Variants in DMD observed in about 807,000 individuals in gnomAD.
DMD encodes dystrophin.
A neutral mutation model predicts 330.1 loss-of-function variants in DMD; 63 were observed. The ratio of observed to expected loss-of-function variants is 0.19; its 90% CI spans 0.16 to 0.24. DMD has a LOEUF of 0.24. Among genes scored for constraint, DMD ranks in the 10% least tolerant of loss-of-function variants. DMD has a pLI of 1.00. For synonymous variants in DMD, 1,223 were observed against 959.8 expected (o/e 1.27, Z -5.07); for missense variants, 3,344 against 2,684.1 (o/e 1.25, Z -5.43).
intron 7 of DMD, among the ~76,000 whole-genome samples, chrX:32,721,057 G>T (rs755862516): frequency 3.8e-4 from 41 of 108,767 alleles, no homozygotes; most frequent in Non-Finnish European, 7.2e-4. Context: ...CTTTTGTGAG[G>T]CTGAATATTT....
intron 44 of DMD, among the ~76,000 whole-genome samples, chrX:32,027,553 A>G (rs1383365780): frequency 1.8e-5 from 2 of 111,697 alleles, no homozygotes; most frequent in Non-Finnish European, 3.8e-5. Flanking sequence ...CACCATAGGA[A>G]CCCTGAACTA....
chrX:32,847,019 T>A (rs1166436627), intron 3 of DMD, among the ~76,000 whole-genome samples: 1 of 110,096 alleles, frequency 9.1e-6, no homozygotes, highest in East Asian at 2.8e-4. Flanking sequence ...AAAAAAAAAA[T>A]ACATGAAAGA....
rs761925260 is a variant in DMD at position 31,261,013 on chromosome X, G to A, written c.9228C>T (p.His3076=). ...SPNKVPYYIN[H]ETQTTCWDHP... is the part of the protein sequence containing the mutation. ...GGTCCCAGCAAGTTGTTTGAGTCTC[G>A]TGGCTAAAACACAAAACATAAAGAA... Residue 3076 remains histidine, a synonymous_variant, in exon 63 of 79, where the codon CAC becomes CAT. Transcript: ENST00000357033. The A allele has an allele frequency of 6.6e-6, 8 of 1,207,609 alleles. No individual in the cohort carries two copies. In the East Asian group the frequency reaches 1.5e-4, roughly 22 times the overall value.
intron 16 of DMD, among the ~76,000 whole-genome samples, chrX:32,559,507 T>G (rs1452968295): frequency 9.0e-6 from 1 of 111,638 alleles, no homozygotes; most frequent in Non-Finnish European, 1.9e-5. Context: ...TAATTAAACT[T>G]ACTGGCCAAA....
In DMD at chrX:32,969,709, G is replaced by A. The variant is rs1465099970; in HGVS notation, c.93+50430C>T. 3.2e-5 allele frequency among the ~76,000 whole-genome samples: 3 copies of A among 94,297 alleles called. 1 individual carries two copies. The highest frequency in any genetic ancestry group is 6.1e-5 in the Non-Finnish European group (3 of 49,344). 81.9% of individuals were successfully genotyped at this position (94,297 alleles called of 115,157 possible). ...TGTACATGTATGTATGCATACATAT[G>A]CACATATATATGTTCTACTTTTGTG... On this transcript the variant is annotated intron_variant, in intron 2 of 78. Coordinates refer to ENST00000357033, the MANE Select transcript of DMD (RefSeq NM_004006.3).
At chrX:31,412,714 T>C (rs1160578669) in intron 60 of DMD, among the ~76,000 whole-genome samples, 1 of 112,238 alleles carries the variant, frequency 8.9e-6, no homozygotes, top group East Asian at 2.8e-4. Flanking sequence ...TCTGGGCTTG[T>C]ACATGAGAGA....
rs149391469 is a variant in DMD at position 32,589,734 on chromosome X, A to T, written c.1602+6023T>A. The stretch of plus-strand genomic sequence containing the variant: ...GAGTTTTCTGACTTAAAACAATAGG[A>T]TGTAACATTTGTATATGATATTCTA... On this transcript the variant is annotated intron_variant, in intron 13 of 78. Coordinates refer to ENST00000357033, the MANE Select transcript of DMD (RefSeq NM_004006.3). Among the ~76,000 whole-genome samples, 473 of 111,444 alleles carry T rather than the reference A, an allele frequency of 4.2e-3. 3 individuals carry two copies. Among genetic ancestry groups the T allele is most frequent in the African/African-American group, 0.015 (458 of 30,712 alleles).
At chrX:32,884,503 A>AT (rs1293951513) in intron 2 of DMD, among the ~76,000 whole-genome samples, 4 of 111,820 alleles carry the variant, frequency 3.6e-5, no homozygotes, top group Non-Finnish European at 5.6e-5. Context: ...ATTTGTCAAT[A>AT]TTTTGAATTT....
intron 2 of DMD, among the ~76,000 whole-genome samples, chrX:32,914,672 C>T (rs1002089442): frequency 1.8e-5 from 2 of 112,238 alleles, no homozygotes; most frequent in Non-Finnish European, 3.8e-5. Flanking sequence ...TGCCCTCTGG[C>T]AGGAAAATGG....
intron 21 of DMD, among the ~76,000 whole-genome samples, chrX:32,480,582 T>TACACAGTATGTGTCTGTGTGTGTACA (rs1569564540): frequency 0.027 from 3,007 of 109,741 alleles, 111 homozygotes; most frequent in African/African-American, 0.095. Context: ...ACGTGAGTAT[T>TACACAGTATGTGTCTGTGTGTGTACA]TACACAGTAT....
At chrX:32,959,742 A>G (rs1220159159) in intron 2 of DMD, among the ~76,000 whole-genome samples, 2 of 110,883 alleles carry the variant, frequency 1.8e-5, no homozygotes, top group Non-Finnish European at 3.8e-5. Context: ...AAGCCCAAGA[A>G]CTTGATATAA....
chrX:32,748,683 AG>A (rs1056089689), intron 7 of DMD, among the ~76,000 whole-genome samples: 10 of 112,330 alleles, frequency 8.9e-5, no homozygotes, highest in Non-Finnish European at 1.3e-4. Flanking sequence ...AAATTAAAAC[AG>A]ATTATCAATA....
At chrX:31,440,200 T>C (rs1028608529) in intron 60 of DMD, among the ~76,000 whole-genome samples, 1 of 105,819 alleles carries the variant, frequency 9.5e-6, no homozygotes, top group African/African-American at 3.5e-5. Flanking sequence ...CAGGCTGGAG[T>C]GCAGTGGCAT....
chrX:32,412,027 A>G (rs1350675809), intron 29 of DMD, 114 bp from the exon 30 acceptor site: 2 of 1,195,167 alleles, frequency 1.7e-6, no homozygotes, highest in South Asian at 3.6e-5. Flanking sequence ...ACCTTTTTGT[A>G]AGACAGATTT....
intron 63 of DMD, among the ~76,000 whole-genome samples, chrX:31,229,684 C>A (rs1247937035): frequency 8.9e-6 from 1 of 111,810 alleles, no homozygotes; most frequent in African/African-American, 3.3e-5. Context: ...GCATACAATA[C>A]GCATTGAACT....
rs188835459 is a variant in DMD at position 32,290,142 on chromosome X, C to T, written c.6118-2441G>A. Among the ~76,000 whole-genome samples the T allele has an allele frequency of 2.9e-3, 325 of 111,622 alleles. 3 individuals are homozygous for T. The highest frequency in any genetic ancestry group is 7.1e-3 in the South Asian group (19 of 2,679). On this transcript the variant is annotated intron_variant, in intron 42 of 78. Transcript: ENST00000357033. ...CTACATTCTTGCTTCAAGATTTCTG[C>T]CCTTGCTGTTCTACCTGCCAAAAAT...
intron 55 of DMD, among the ~76,000 whole-genome samples, chrX:31,571,992 C>T (rs1033131856): frequency 4.5e-5 from 5 of 110,211 alleles, no homozygotes; most frequent in African/African-American, 9.9e-5. Flanking sequence ...AAAGAGATGC[C>T]GGGAGGAGAG....
At chrX:32,443,056 G>T (rs1421470383) in intron 27 of DMD, among the ~76,000 whole-genome samples, 2 of 110,740 alleles carry the variant, frequency 1.8e-5, no homozygotes, top group Non-Finnish European at 3.8e-5. Context: ...GGATAAGAAT[G>T]TAACAACGGT....
At chrX:32,590,945 C>T (rs2054841038) in intron 13 of DMD, among the ~76,000 whole-genome samples, 2 of 111,941 alleles carry the variant, frequency 1.8e-5, no homozygotes, top group Non-Finnish European at 3.8e-5. Context: ...ATCCATCCAT[C>T]CATCCATCCA....
Sources: allele counts gnomAD v4.1 joint callset (sites outside exome capture counted in the v4.1 genomes callset), GRCh38; gene constraint gnomAD v4.1.1; transcripts MANE v1.5; gene names NCBI Gene and HGNC (gene_info 2026-07-23, HGNC 2026-07-21).